Variants in ZNF407 observed in about 807,000 individuals in gnomAD.
ZNF407 encodes zinc finger protein 407.
Under a neutral mutation model 131.2 loss-of-function variants are expected in ZNF407, and 17 were observed. The observed-to-expected ratio is 0.13, with a 90% CI of 0.09 to 0.19. ZNF407 has a LOEUF of 0.19. Ranked by LOEUF, ZNF407 falls within the 10% of genes least tolerant of loss-of-function variation. ZNF407 has a pLI of 1.00. For synonymous variants in ZNF407, 1,156 were observed against 1,062.0 expected (o/e 1.09, Z -1.72); for missense variants, 2,681 against 2,830.6 (o/e 0.95, Z 1.20).
intron 8 of ZNF407, among the ~76,000 whole-genome samples, chr18:74,944,350 A>C (rs1018976723): frequency 1.9e-4 from 29 of 152,212 alleles, no homozygotes; most frequent in African/African-American, 5.8e-4. Flanking sequence ...GTATCCATGC[A>C]CAAAGTGTCA....
At chr18:74,825,357 G>C (rs7239005) in intron 4 of ZNF407, among the ~76,000 whole-genome samples, 2,973 of 152,190 alleles carry the variant, frequency 0.02, 108 homozygotes, top group African/African-American at 0.068. Context: ...TCAGGCAAGG[G>C]AAAGAAATAA....
At chr18:74,953,615 G>T (rs1440291260) in intron 8 of ZNF407, among the ~76,000 whole-genome samples, 1 of 152,128 alleles carries the variant, frequency 6.6e-6, no homozygotes, top group African/African-American at 2.4e-5. Context: ...GTAACGCTAG[G>T]CTTCGTTTAG....
chr18:74,785,888 A>G (rs1362380356), intron 4 of ZNF407, among the ~76,000 whole-genome samples: 1 of 150,934 alleles, frequency 6.6e-6, no homozygotes, highest in Non-Finnish European at 1.5e-5. Flanking sequence ...TGGCACGCAC[A>G]TGGCACTCAC....
rs1220986707 is a variant in ZNF407, at chr18:74,634,197, G to A, written c.3178G>A (p.Glu1060Lys). ...ACDYYAVTRREMTRHAATEKH... is the reference protein window; with the variant it reads ...ACDYYAVTRRKMTRHAATEKH... ...CGATTACTACGCGGTGACTCGTCGC[G>A]AGATGACCAGGCATGCAGCAACAGA... Residue 1060 changes from glutamate (E) to lysine (K), a missense_variant, in exon 2 of 9, where the codon GAG (glutamate) becomes AAG (lysine). This residue lies in a region of ZNF407 where 1,789 missense variants were observed against 1,748.7 expected (regional missense o/e 1.02). Transcript: ENST00000299687. 3.7e-6 allele frequency: 6 copies of A among 1,613,900 alleles called. No homozygotes were observed. The highest frequency in any genetic ancestry group is 2.7e-5 in the African/African-American group (2 of 74,932).
At chr18:74,753,538 C>G (rs1293525646) in intron 3 of ZNF407, among the ~76,000 whole-genome samples, 5 of 152,098 alleles carry the variant, frequency 3.3e-5, no homozygotes, top group African/African-American at 9.7e-5. Flanking sequence ...CCATCAATAC[C>G]TAGTTTATTG....
intron 8 of ZNF407, among the ~76,000 whole-genome samples, chr18:75,017,911 C>T (rs1369424142): frequency 1.3e-5 from 2 of 152,090 alleles, no homozygotes; most frequent in Admixed American, 1.3e-4. Flanking sequence ...TGAGCACATG[C>T]CAGGACCTGA....
rs777531353 is a variant in ZNF407, at chr18:75,063,408, C to T, written c.5687C>T (p.Ala1896Val). The change falls in exon 9 of 9, where the codon GCC (alanine) becomes GTC (valine). Residue 1896 changes from alanine (A) to valine (V), a missense_variant. Physicochemically the swap from Ala to Val is moderately conservative, Grantham distance 64 (BLOSUM62 0). Coordinates refer to ENST00000299687, the MANE Select transcript of ZNF407 (RefSeq NM_017757.3). This position sits in a 1 kb window ranked among gnomAD's most constrained non-coding sequence, Gnocchi z 6.6. ...GCCACGCTGCAGACGCTGGCCATGG[C>T]CGGCCAGGTGGCCCGGGTGGTGCAT... ...AAATLQTLAM[A>V]GQVARVVHIT... The T allele has an allele frequency of 1.9e-6, 3 of 1,610,526 alleles. No individual in the cohort carries two copies. The highest frequency in any genetic ancestry group is 2.7e-5 in the African/African-American group (2 of 75,006).
At chr18:75,039,980 G>A (rs772680279) in intron 8 of ZNF407, among the ~76,000 whole-genome samples, 3 of 152,054 alleles carry the variant, frequency 2.0e-5, no homozygotes, top group Non-Finnish European at 4.4e-5. Context: ...GAGAGGTGCC[G>A]ATAATGGTTC....
intron 2 of ZNF407, among the ~76,000 whole-genome samples, chr18:74,638,023 C>T (rs1400648825): frequency 4.6e-5 from 7 of 152,208 alleles, no homozygotes; most frequent in African/African-American, 1.2e-4. Context: ...TCATTTCTCC[C>T]GCATTGGTCT....
intron 8 of ZNF407, among the ~76,000 whole-genome samples, chr18:74,944,916 A>T (rs1972138430): frequency 1.3e-5 from 2 of 151,844 alleles, no homozygotes; most frequent in African/African-American, 4.9e-5. Context: ...CAGACTGGGG[A>T]TAGAAGTGAG....
Position 74,635,228 on chromosome 18 carries a change from T to G in ZNF407, c.4209T>G (p.Ser1403=), listed in dbSNP as rs1451338291. 1 of 1,613,870 alleles carries G rather than the reference T, an allele frequency of 6.2e-7. No individual in the cohort carries two copies. The highest frequency in any genetic ancestry group is 8.5e-7 in the Non-Finnish European group (1 of 1,179,852). ...CTCAAGGTGTGAAAAAGAAGAAATC[T>G]GAGGGCAGTTCCATTGGTGAGTCTA... ...DCAQGVKKKK[S]EGSSIGESTR... The change falls in exon 2 of 9, where the codon TCT becomes TCG. Residue 1403 remains serine (S), a synonymous_variant. Transcript: ENST00000299687. The surrounding 1 kb of genome is among the most constrained non-coding windows in gnomAD (Gnocchi z 4.7).
chr18:74,994,837 G>A (rs1972761666), intron 8 of ZNF407, among the ~76,000 whole-genome samples: 1 of 152,190 alleles, frequency 6.6e-6, no homozygotes, highest in Non-Finnish European at 1.5e-5. Context: ...AATTCTGGGA[G>A]TGACTTTGAA....
intron 4 of ZNF407, among the ~76,000 whole-genome samples, chr18:74,869,477 T>C (rs2145170335): frequency 6.6e-6 from 1 of 152,320 alleles, no homozygotes; most frequent in South Asian, 2.1e-4. Context: ...TATAATTCCT[T>C]CCACCTGTTC....
Position 74,648,374 on chromosome 18 carries a change from T to C in ZNF407, c.4802+7252T>C, listed in dbSNP as rs925477368. Among the ~76,000 whole-genome samples the C allele has an allele frequency of 6.6e-5, 10 of 152,010 alleles. No individual in the cohort carries two copies. In the East Asian group the frequency reaches 7.7e-4, roughly 12 times the overall value. On this transcript the variant is annotated intron_variant, in intron 3 of 8. Transcript: ENST00000299687. ...GCCAGGTGGACAGTTCCAGGGACAA[T>C]TGGGTGAGGTGGGCAGGGGTCAGGT...
intron 1 of ZNF407, among the ~76,000 whole-genome samples, chr18:74,626,150 A>G (rs1233711448): frequency 1.3e-5 from 2 of 152,256 alleles, no homozygotes; most frequent in Non-Finnish European, 2.9e-5. Context: ...ATCACTAGGC[A>G]TCAGGGAAAT....
rs759271071 is a variant in ZNF407 at position 75,063,380 on chromosome 18, G to A, written c.5659G>A (p.Ala1887Thr). The A allele has an allele frequency of 1.3e-5, 21 of 1,610,768 alleles. No individual in the cohort carries two copies. The highest frequency in any genetic ancestry group is 2.7e-5 in the African/African-American group (2 of 74,886). The change falls in exon 9 of 9, where the codon GCC (alanine) becomes ACC (threonine). Residue 1887 changes from alanine to threonine, a missense_variant. Ala to Thr is a moderately conservative substitution (Grantham distance 58, BLOSUM62 0). Transcript: ENST00000299687. The surrounding 1 kb of genome is among the most constrained non-coding windows in gnomAD (Gnocchi z 6.6). ...GGACCCCTCGGTGGAGGAGACGGCC[G>A]CCGCCACGCTGCAGACGCTGGCCAT... ...ALDPSVEETAAATLQTLAMAG... is the reference protein window; with the variant it reads ...ALDPSVEETATATLQTLAMAG...
intron 3 of ZNF407, among the ~76,000 whole-genome samples, chr18:74,728,553 C>G (rs1171170798): frequency 6.6e-6 from 1 of 152,282 alleles, no homozygotes; most frequent in South Asian, 2.1e-4. Context: ...GAGATTCCTT[C>G]TAGTGTTGAT....
chr18:74,701,074 C>G (rs146264356), intron 3 of ZNF407, among the ~76,000 whole-genome samples: 2 of 152,122 alleles, frequency 1.3e-5, no homozygotes, highest in Non-Finnish European at 2.9e-5. Context: ...TCTCCTCCTC[C>G]GCATGCACAC....
intron 3 of ZNF407, among the ~76,000 whole-genome samples, chr18:74,655,695 T>C (rs892927364): frequency 6.6e-6 from 1 of 152,206 alleles, no homozygotes; most frequent in Non-Finnish European, 1.5e-5. Flanking sequence ...TGAATATTTG[T>C]TTTTCTTTAT....
Sources: allele counts gnomAD v4.1 joint callset (sites outside exome capture counted in the v4.1 genomes callset), GRCh38; gene constraint gnomAD v4.1.1; regional missense constraint gnomAD v4.1.1; non-coding constraint Gnocchi (gnomAD v3.1); transcripts MANE v1.5; gene names NCBI Gene and HGNC (gene_info 2026-07-23, HGNC 2026-07-21).